ZNF333: variants seen among roughly 807,000 people sequenced by gnomAD.
ZNF333 encodes zinc finger protein 333.
ZNF333 carries 61 observed loss-of-function variants against 76.1 expected under a neutral mutation model. That is an observed-to-expected ratio of 0.80 (90% confidence interval 0.65 to 0.99). The LOEUF is 0.99. Ranked by LOEUF, ZNF333 falls within the 50% of genes least tolerant of loss-of-function variation. The pLI, the probability that ZNF333 is intolerant of heterozygous loss-of-function variation, is 0.00. For missense variants in ZNF333, 717 were observed against 822.4 expected (o/e 0.87, Z 1.57); for synonymous variants, 284 against 305.0 (o/e 0.93, Z 0.72).
At chr19:14,700,643 G>A (rs186900792) in intron 5 of ZNF333, among the ~76,000 whole-genome samples, 36 of 152,124 alleles carry the variant, frequency 2.4e-4, no homozygotes, top group Admixed American at 7.9e-4. Flanking sequence ...AATTTCCTCC[G>A]CCTCAAACAA....
chr19:14,716,246 A>G lies in ZNF333; in HGVS notation c.727+8A>G, dbSNP rs771742772. The G allele has an allele frequency of 3.1e-6, 5 of 1,588,288 alleles. No homozygotes were observed. In the South Asian group the frequency reaches 4.7e-5, roughly 15 times the overall value. On this transcript the variant is annotated splice_region_variant and intron_variant, in intron 9 of 11. Transcript: ENST00000292530. ...GGAACCTGGCCTCTGTGGGTAAGGC[A>G]GCTTCATCTTTTCTTTCCTTTTTTT... is the stretch of plus-strand genomic sequence containing the variant.
Position 14,718,969 on chromosome 19 carries a change from A to G in ZNF333, c.1642A>G (p.Thr548Ala), listed in dbSNP as rs140414209. 4 of 1,612,338 alleles carry G rather than the reference A, an allele frequency of 2.5e-6. No homozygotes were observed. Among genetic ancestry groups the G allele is most frequent in the Admixed American group, 1.7e-5 (1 of 59,860 alleles). Residue 548 changes from threonine (T) to alanine (A), a missense_variant, in exon 12 of 12, where the codon ACC becomes GCC. Coordinates refer to ENST00000292530, the MANE Select transcript of ZNF333 (RefSeq NM_032433.4). Reference protein sequence around the residue: ...TCGQVLSRLSTLKSHMRTHTG... With the variant: ...TCGQVLSRLSALKSHMRTHTG... ...CGGTCAGGTCTTGAGTCGTCTTTCAACCCTGAAGAGTCACATGCGAACTCA... is the reference window on the plus strand; with the variant it reads ...CGGTCAGGTCTTGAGTCGTCTTTCAGCCCTGAAGAGTCACATGCGAACTCA...
At position 14,715,362 on chromosome 19, in the gene ZNF333, C is replaced by G; in HGVS notation, c.512-20C>G. The G allele has an allele frequency of 6.2e-7, 1 of 1,612,158 alleles. No homozygotes were observed. Among genetic ancestry groups the G allele is most frequent in the South Asian group, 1.1e-5 (1 of 90,974 alleles). ...AGTAGGCCAGGCACCAACCCTCATG[C>G]CTCTTCCCTTCTCCCCTAGCTGTGC... On this transcript the variant is annotated intron_variant, in intron 7 of 11. Coordinates refer to ENST00000292530, the MANE Select transcript of ZNF333 (RefSeq NM_032433.4).
intron 7 of ZNF333, among the ~76,000 whole-genome samples, chr19:14,707,612 CACT>C (rs1439860322): frequency 7.4e-6 from 1 of 135,128 alleles, no homozygotes; most frequent in African/African-American, 2.8e-5. Context: ...ACTGCAGTGG[CACT>C]ATCCCGGCTC....
intron 7 of ZNF333, 195 bp from the exon 8 acceptor site, chr19:14,715,187 G>C: frequency 1.8e-6 from 1 of 559,410 alleles, no homozygotes; most frequent in Non-Finnish European, 3.3e-6. Context: ...GTCTGTGTAC[G>C]TGTGTGCATG....
At chr19:14,694,247 C>T (rs949042706) in intron 2 of ZNF333, among the ~76,000 whole-genome samples, 2 of 152,010 alleles carry the variant, frequency 1.3e-5, no homozygotes, top group Non-Finnish European at 2.9e-5. Flanking sequence ...CCGAGGCGGG[C>T]AGATCACTTG....
chr19:14,717,222 A>C (rs1271647830), intron 10 of ZNF333, 133 bp downstream of exon 10: 3 of 651,990 alleles, frequency 4.6e-6, no homozygotes, highest in East Asian at 5.7e-5. Context: ...CCCTTATTAA[A>C]TGCCACCTTC....
downstream of ZNF333, among the ~76,000 whole-genome samples, chr19:14,723,774 A>G (rs2042616847): frequency 1.3e-5 from 2 of 152,186 alleles, no homozygotes; most frequent in Admixed American, 6.5e-5. Context: ...CTGGATCCAA[A>G]TGGCATTTCT....
chr19:14,712,347 G>A (rs1366642038), intron 7 of ZNF333, among the ~76,000 whole-genome samples: 2 of 151,988 alleles, frequency 1.3e-5, no homozygotes, highest in African/African-American at 4.8e-5. Flanking sequence ...AGCCTCCCGA[G>A]TGGCTGGGAC....
chr19:14,719,885 T>TA lies in ZNF333; in HGVS notation c.*565dup. ...TGTTCAGATTGGCAGTGTGCACTAT[T>TA]AAAAAGCTTCCATCTCCCGGCTGGG... On this transcript the variant is annotated 3_prime_UTR_variant, in exon 12 of 12. Coordinates refer to ENST00000292530, the MANE Select transcript of ZNF333 (RefSeq NM_032433.4). The TA allele has an allele frequency of 1.5e-5, 15 of 985,716 alleles. No homozygotes were observed. The highest frequency in any genetic ancestry group is 1.7e-5 in the Non-Finnish European group (14 of 830,254). 61.1% of individuals were successfully genotyped at this position (985,716 alleles called of 1,614,324 possible).
chr19:14,696,305 C>T (rs1370075001), intron 4 of ZNF333, among the ~76,000 whole-genome samples: 4 of 152,160 alleles, frequency 2.6e-5, no homozygotes, highest in Non-Finnish European at 5.9e-5. Context: ...ATTTTCATCA[C>T]GCCAAGTAGA....
At chr19:14,704,992 C>G (rs35325242) in intron 5 of ZNF333, 62 bp from the exon 6 acceptor site, 31,055 of 1,533,294 alleles carry the variant, frequency 0.02, 383 homozygotes, top group Non-Finnish European at 0.024. Flanking sequence ...AAAGGTCTCT[C>G]GGGCTGAGAA....
chr19:14,699,090 T>G, intron 4 of ZNF333, 109 bp from the exon 5 acceptor site: 1 of 724,424 alleles, frequency 1.4e-6, no homozygotes, highest in Non-Finnish European at 2.3e-6. Context: ...AAAAAGCCTA[T>G]GTGTGTATAG....
Position 14,719,276 on chromosome 19 carries a change from G to T in ZNF333, c.1949G>T (p.Ser650Ile), listed in dbSNP as rs768514319. Residue 650 changes from serine (S) to isoleucine (I), a missense_variant, in exon 12 of 12, where the codon AGC becomes ATC. Transcript: ENST00000292530. ...HVGRETIRNGSLPLSMSHPYC... is the reference protein window; with the variant it reads ...HVGRETIRNGILPLSMSHPYC... ...GGAAGAGAGACCATTAGGAATGGCA[G>T]CCTGCCTTTATCCATGTCTCATCCA... 1 of 1,614,122 alleles carries T rather than the reference G, an allele frequency of 6.2e-7. No homozygotes were observed. The highest frequency in any genetic ancestry group is 8.5e-7 in the Non-Finnish European group (1 of 1,179,992).
chr19:14,691,676 C>CT (rs71166784), intron 1 of ZNF333, among the ~76,000 whole-genome samples: 4,699 of 121,812 alleles, frequency 0.039, 419 homozygotes, highest in African/African-American at 0.13. Flanking sequence ...GTCATATTGT[C>CT]TTTTTTTTTT....
chr19:14,716,406 C>T (rs1404669233), intron 9 of ZNF333, among the ~76,000 whole-genome samples, 168 bp downstream of exon 9: 1 of 152,002 alleles, frequency 6.6e-6, no homozygotes, highest in Non-Finnish European at 1.5e-5. Context: ...CCACAGGGTG[C>T]ATCATCACAC....
chr19:14,708,317 A>G, intron 7 of ZNF333: 1 of 400,874 alleles, frequency 2.5e-6, no homozygotes, highest in East Asian at 3.6e-5. Flanking sequence ...CTATTTTGTT[A>G]CTTCTTGAAG....
chr19:14,692,547 T>G (rs1430078544), intron 1 of ZNF333, among the ~76,000 whole-genome samples: 4 of 152,148 alleles, frequency 2.6e-5, no homozygotes, highest in African/African-American at 9.7e-5. Context: ...AGAGTCTTGC[T>G]CTGTCACCCA....
At chr19:14,711,650 CA>C (rs1019316991) in intron 7 of ZNF333, among the ~76,000 whole-genome samples, 2 of 152,056 alleles carry the variant, frequency 1.3e-5, no homozygotes, top group South Asian at 2.1e-4. Context: ...GACCCTGTCT[CA>C]AAAAAATTAT....
Sources: gnomAD v4.1 joint callset for allele counts (sites outside exome capture counted in the v4.1 genomes callset) on GRCh38, gnomAD v4.1.1 for gene constraint, MANE v1.5 for transcripts, NCBI Gene and HGNC (gene_info 2026-07-23, HGNC 2026-07-21) for gene names.